Variants in CSMD1 observed in about 807,000 individuals in gnomAD.
The protein encoded by CSMD1 is CUB and sushi domain-containing protein 1.
Under a neutral mutation model 417.5 loss-of-function variants are expected in CSMD1, and 213 were observed. The observed-to-expected ratio is 0.51, with a 90% CI of 0.46 to 0.57. The LOEUF is 0.57. Among genes scored for constraint, CSMD1 ranks in the 20% least tolerant of loss-of-function variants. CSMD1 has a pLI of 0.00. For missense variants in CSMD1, 6,923 were observed against 4,529.7 expected (o/e 1.53, Z -15.17); for synonymous variants, 2,862 against 1,736.8 (o/e 1.65, Z -16.11).
At chr8:4,195,461 C>G (rs1337473044) in intron 3 of CSMD1, among the ~76,000 whole-genome samples, 4 of 152,152 alleles carry the variant, frequency 2.6e-5, no homozygotes, top group Admixed American at 2.0e-4. Flanking sequence ...GCAGTACAGC[C>G]TTAATGTGCT....
intron 5 of CSMD1, among the ~76,000 whole-genome samples, chr8:3,896,612 C>T (rs1022551599): frequency 1.1e-4 from 17 of 152,024 alleles, no homozygotes; most frequent in African/African-American, 3.9e-4. Context: ...CCCAGGTTCA[C>T]GCCATTCTCC....
intron 3 of CSMD1, among the ~76,000 whole-genome samples, chr8:4,291,607 T>A (rs994964273): frequency 6.6e-6 from 1 of 152,218 alleles, no homozygotes; most frequent in Non-Finnish European, 1.5e-5. Context: ...TGTGGTCATT[T>A]TTCTTGTGAT....
At chr8:4,217,631 A>T (rs975170592) in intron 3 of CSMD1, among the ~76,000 whole-genome samples, 1 of 150,984 alleles carries the variant, frequency 6.6e-6, no homozygotes, top group Admixed American at 6.6e-5. Context: ...GAAACTGTTG[A>T]AAAAGTTGAC....
intron 1 of CSMD1, among the ~76,000 whole-genome samples, chr8:4,773,887 G>A (rs79681206): frequency 9.5e-4 from 145 of 152,090 alleles, no homozygotes; most frequent in Non-Finnish European, 5.0e-4. Flanking sequence ...TATTAAATAC[G>A]CTTTCTAACA....
chr8:4,876,002 A>T (rs775796737), intron 1 of CSMD1, among the ~76,000 whole-genome samples: 3 of 152,098 alleles, frequency 2.0e-5, no homozygotes, highest in Non-Finnish European at 4.4e-5. Context: ...TTTTATAGTA[A>T]AGAGTAAAAA....
At chr8:3,885,371 A>T (rs1263638142) in intron 5 of CSMD1, among the ~76,000 whole-genome samples, 1 of 152,202 alleles carries the variant, frequency 6.6e-6, no homozygotes, top group South Asian at 2.1e-4. Flanking sequence ...AAACGAAAAT[A>T]TAAAAGCTTG....
At chr8:4,178,134 GA>G (rs1798157733) in intron 3 of CSMD1, among the ~76,000 whole-genome samples, 1 of 152,100 alleles carries the variant, frequency 6.6e-6, no homozygotes, top group African/African-American at 2.4e-5. Context: ...CCAAAAAAGA[GA>G]ATTTTAGACC....
chr8:4,764,895 C>CAAAACAAAAAAAAAA (rs763804321), intron 1 of CSMD1, among the ~76,000 whole-genome samples: 6 of 30,572 alleles, frequency 2.0e-4, no homozygotes, highest in African/African-American at 7.7e-4. Flanking sequence ...AAAAAAAAAA[C>CAAAACAAAAAAAAAA]AACAACAACA....
intron 3 of CSMD1, among the ~76,000 whole-genome samples, chr8:4,275,792 A>T (rs1180173843): frequency 1.3e-5 from 2 of 152,208 alleles, no homozygotes; most frequent in African/African-American, 2.4e-5. Context: ...AAATGCTATA[A>T]CTTTGGCATG....
intron 12 of CSMD1, among the ~76,000 whole-genome samples, chr8:3,432,573 G>A (rs768991273): frequency 1.5e-4 from 22 of 144,800 alleles, no homozygotes; most frequent in Admixed American, 2.9e-4. Flanking sequence ...GCAGTGGTGC[G>A]ATCTTGGCTC....
chr8:3,910,246 A>G (rs573002151), intron 5 of CSMD1, among the ~76,000 whole-genome samples: 1 of 152,228 alleles, frequency 6.6e-6, no homozygotes, highest in African/African-American at 2.4e-5. Flanking sequence ...GGGGAGGAAA[A>G]TATGTCAGAG....
At chr8:4,620,084 T>C (rs1347184242) in intron 2 of CSMD1, among the ~76,000 whole-genome samples, 1 of 152,018 alleles carries the variant, frequency 6.6e-6, no homozygotes, top group South Asian at 2.1e-4. Context: ...AATACTGCTA[T>C]AATACTCACA....
At chr8:3,197,088 G>T (rs1247666339) in intron 33 of CSMD1, among the ~76,000 whole-genome samples, 2 of 152,162 alleles carry the variant, frequency 1.3e-5, no homozygotes, top group African/African-American at 4.8e-5. Flanking sequence ...CTAGAATACT[G>T]CATTAAAGAG....
At chr8:4,436,686 C>G (rs1468014847) in intron 2 of CSMD1, among the ~76,000 whole-genome samples, 1 of 152,168 alleles carries the variant, frequency 6.6e-6, no homozygotes, top group East Asian at 1.9e-4. Flanking sequence ...CTACCCTACA[C>G]AGCTTCTGGT....
intron 2 of CSMD1, among the ~76,000 whole-genome samples, chr8:4,623,201 C>G (rs1801880724): frequency 6.6e-6 from 1 of 151,972 alleles, no homozygotes; most frequent in East Asian, 1.9e-4. Context: ...GATACTTCAC[C>G]AAGGAAGATA....
At chr8:3,897,077 C>T (rs956662357) in intron 5 of CSMD1, among the ~76,000 whole-genome samples, 9 of 151,908 alleles carry the variant, frequency 5.9e-5, no homozygotes, top group African/African-American at 1.7e-4. Flanking sequence ...TGGAAGTTTC[C>T]GAATGTTCCT....
At chr8:4,550,577 C>A (rs919637772) in intron 2 of CSMD1, among the ~76,000 whole-genome samples, 10 of 152,062 alleles carry the variant, frequency 6.6e-5, no homozygotes, top group East Asian at 5.8e-4. Flanking sequence ...TTTTTAAAAA[C>A]CAGAAAACAC....
rs530980259 is a variant in CSMD1, at chr8:3,387,827, A to G, written c.2594-145T>C. 1.7e-4 allele frequency: 112 copies of G among 647,264 alleles called. No homozygotes were observed. The African/African-American group carries it at 2.0e-3, about 11-fold the overall frequency. 40.1% of individuals were successfully genotyped at this position (647,264 alleles called of 1,614,324 possible). A position where few individuals can be genotyped will look rare whatever the true frequency, so the allele number is the denominator to read the frequency against. The stretch of plus-strand genomic sequence containing the variant: ...AGTGAACCCAACAATCCATGGACAT[A>G]AAAGCCAATGCATCTTCAAACATTT... On this transcript the variant is annotated intron_variant, in intron 17 of 69. Transcript: ENST00000635120.
rs1394964343 is a variant in CSMD1, at chr8:4,994,353, T to C, written c.64A>G (p.Arg22Gly). 1 of 1,611,396 alleles carries C rather than the reference T, an allele frequency of 6.2e-7. No homozygotes were observed. The change falls in exon 1 of 70, where the codon AGG (arginine) becomes GGG (glycine). Residue 22 changes from arginine to glycine, a missense_variant. Transcript: ENST00000635120. ...LLLGLLVLCA[R>G]LLTAAKGQNC... ...TTACCCTTCGCTGCAGTGAGGAGCC[T>C]CGCGCACAGCACCAGCAGCCCGAGA...
Sources: allele counts gnomAD v4.1 joint callset (sites outside exome capture counted in the v4.1 genomes callset), GRCh38; gene constraint gnomAD v4.1.1; transcripts MANE v1.5; gene names NCBI Gene and HGNC (gene_info 2026-07-23, HGNC 2026-07-21).